The following VASH2 variants were observed in gnomAD, a reference collection of about 807,000 sequenced individuals.
VASH2 encodes tubulinyl-Tyr carboxypeptidase 2.
In VASH2, 28 loss-of-function variants were observed where a neutral mutation model predicts 37.2. That is an observed-to-expected ratio of 0.75 (90% CI 0.56 to 1.03). VASH2 has a LOEUF of 1.03. Ranked by LOEUF, VASH2 falls within the 50% of genes least tolerant of loss-of-function variation. VASH2 has a pLI of 0.00. For missense variants in VASH2, 419 were observed against 459.1 expected, an observed-to-expected ratio of 0.91 and a Z score of 0.80; for synonymous variants, 188 against 174.7, an observed-to-expected ratio of 1.08 and a Z score of -0.60.
At chr1:212,983,973 T>C (rs1009453920) in intron 7 of VASH2, among the ~76,000 whole-genome samples, 7 of 152,198 alleles carry the variant, frequency 4.6e-5, no homozygotes, top group African/African-American at 7.2e-5. Context: ...GTACCTCCAT[T>C]ATCTCCTCTA....
intron 7 of VASH2, among the ~76,000 whole-genome samples, chr1:212,975,132 CT>C (rs1667130712): frequency 1.3e-5 from 2 of 151,698 alleles, no homozygotes; most frequent in Admixed American, 1.3e-4. Flanking sequence ...GTAGTAAGTT[CT>C]GTAGCTGGTC....
At chr1:212,981,800 T>C (rs966356215) in intron 7 of VASH2, among the ~76,000 whole-genome samples, 2 of 152,166 alleles carry the variant, frequency 1.3e-5, no homozygotes, top group Admixed American at 6.5e-5. Flanking sequence ...CCTCTCCTCG[T>C]CCTGTTTCTT....
At position 212,973,989 on chromosome 1, in the gene VASH2, A is replaced by C. The variant is rs755180737; in HGVS notation, c.914A>C (p.Gln305Pro). The change falls in exon 7 of 8, where the codon CAA (glutamine) becomes CCA (proline). Residue 305 changes from glutamine (Q) to proline (P), a missense_variant. Physicochemically the swap from Gln to Pro is moderately conservative, Grantham distance 76. This residue lies in a region of VASH2 where 177 missense variants were observed against 166.2 expected (regional missense o/e 1.06). Coordinates refer to ENST00000517399, the MANE Select transcript of VASH2 (RefSeq NM_001301056.2). The stretch of plus-strand genomic sequence containing the variant: ...CCTGCAAGTGCCCACTCTCCGACCC[A>C]AGTGAGAAGCCGGGGAAAATCCCTG... ...LKPASAHSPT[Q>P]VRSRGKSLSP... 1.7e-5 allele frequency: 28 copies of C among 1,613,818 alleles called. No homozygotes were observed. The Admixed American group carries it at 4.5e-4, about 26-fold the overall frequency.
At chr1:212,965,965 C>A in intron 4 of VASH2, 187 bp downstream of exon 4, 1 of 621,518 alleles carries the variant, frequency 1.6e-6, no homozygotes, top group Non-Finnish European at 2.8e-6. Context: ...GACAGTGGAG[C>A]TCAGTGGTGA....
At chr1:212,976,731 A>G (rs1220633558) in intron 7 of VASH2, among the ~76,000 whole-genome samples, 2 of 150,006 alleles carry the variant, frequency 1.3e-5, no homozygotes, top group Non-Finnish European at 2.9e-5. Flanking sequence ...CCGTGAGTGC[A>G]AAGCTACCTT....
chr1:212,967,260 C>T (rs892716240), intron 5 of VASH2: 2 of 1,291,206 alleles, frequency 1.5e-6, no homozygotes, highest in African/African-American at 3.0e-5. Context: ...ACCTCCCTTA[C>T]ACAATAGTCT....
chr1:212,967,326 C>T, intron 5 of VASH2: 2 of 1,235,844 alleles, frequency 1.6e-6, no homozygotes, highest in Non-Finnish European at 2.1e-6. Flanking sequence ...CACCCACAAC[C>T]CTTTGAAATT....
In VASH2 at chr1:212,953,021, G is replaced by A. The variant is rs1156754751; in HGVS notation, c.276+1203G>A. On this transcript the variant is annotated intron_variant, in intron 2 of 7. Transcript: ENST00000517399. Reference sequence around the variant, plus strand: ...TTACCCTTGCTGAGTTCTTGAATATGAGAACAACCTTTGTTCCTGGTTTGC... The same window carrying A: ...TTACCCTTGCTGAGTTCTTGAATATAAGAACAACCTTTGTTCCTGGTTTGC... Among the ~76,000 whole-genome samples the A allele has an allele frequency of 2.0e-4, 31 of 152,176 alleles. 1 individual carries two copies. The highest frequency in any genetic ancestry group is 2.0e-3 in the Admixed American group (31 of 15,278).
At chr1:212,968,903 A>T (rs1247387410) in intron 5 of VASH2, 1 of 985,308 alleles carries the variant, frequency 1.0e-6, no homozygotes, top group African/African-American at 1.7e-5. Context: ...GATTTAGGTC[A>T]TTGAAATGAC....
chr1:212,987,570 G>A (rs1469037767), intron 7 of VASH2, among the ~76,000 whole-genome samples: 5 of 152,058 alleles, frequency 3.3e-5, no homozygotes, highest in Non-Finnish European at 5.9e-5. Flanking sequence ...GCGAAACTCC[G>A]TCTCAAAAAC....
intron 7 of VASH2, among the ~76,000 whole-genome samples, chr1:212,975,948 CTTG>C (rs1217797339): frequency 6.6e-6 from 1 of 152,176 alleles, no homozygotes; most frequent in East Asian, 1.9e-4. Context: ...ATCCGTTTTA[CTTG>C]GATCCACAGG....
At chr1:212,966,828 A>G (rs1666864287) in intron 5 of VASH2, 1 of 344,118 alleles carries the variant, frequency 2.9e-6, no homozygotes, top group Non-Finnish European at 5.8e-6. Context: ...CCCAGGCTCA[A>G]GTGACCTTCT....
At chr1:212,979,137 G>A (rs530160737) in intron 7 of VASH2, among the ~76,000 whole-genome samples, 8 of 152,176 alleles carry the variant, frequency 5.3e-5, no homozygotes, top group Admixed American at 1.3e-4. Flanking sequence ...TCCAGCTCCC[G>A]CCATTCTGCC....
intron 3 of VASH2, 30 bp from the exon 4 acceptor site, chr1:212,965,692 T>C (rs1369153808): frequency 6.5e-7 from 1 of 1,538,978 alleles, no homozygotes; most frequent in African/African-American, 1.4e-5. Context: ...TGGAGTTTTC[T>C]GTCACTTTCC....
chr1:212,988,646 T>C lies in VASH2; in HGVS notation c.*62T>C, dbSNP rs377270826. ...GCTTCTCTCTGCACTTTACCCAGCA[T>C]CTTCAGGAGGAACTGCAACTATTTA... On this transcript the variant is annotated 3_prime_UTR_variant, in exon 8 of 8. Transcript: ENST00000517399. The C allele has an allele frequency of 3.0e-5, 46 of 1,526,068 alleles. No individual in the cohort carries two copies. The African/African-American group carries it at 5.9e-4, about 19-fold the overall frequency. The allele number at this position is 1,526,068 out of a possible 1,614,324, so 94.5% of individuals were successfully genotyped here.
chr1:212,974,798 A>G (rs1287362179), intron 7 of VASH2: 1 of 152,246 alleles, frequency 6.6e-6, no homozygotes, highest in African/African-American at 2.4e-5. Context: ...GCCATGCTGG[A>G]ACCATGTGGC....
At chr1:212,966,204 A>T in intron 4 of VASH2, 67 bp from the exon 5 acceptor site, 2 of 1,396,506 alleles carry the variant, frequency 1.4e-6, no homozygotes, top group South Asian at 2.5e-5. Flanking sequence ...ATGCTGATGG[A>T]TTGACAGACT....
At position 212,971,425 on chromosome 1, in the gene VASH2, G is replaced by A. The variant is rs1667007742; in HGVS notation, c.498-1155G>A. ...TCTCCCACCAGACCTCCGGAGAAGGGCTGTGTTCTTATCTTTGGCTCCACA... is the reference window on the plus strand; with the variant it reads ...TCTCCCACCAGACCTCCGGAGAAGGACTGTGTTCTTATCTTTGGCTCCACA... On this transcript the variant is annotated intron_variant, in intron 5 of 7. Transcript: ENST00000517399. The surrounding 1 kb of genome is among the most constrained non-coding windows in gnomAD (Gnocchi z 4.0). 6.6e-6 allele frequency among the ~76,000 whole-genome samples: 1 copy of A among 152,172 alleles called. No individual in the cohort carries two copies. The highest frequency in any genetic ancestry group is 1.5e-5 in the Non-Finnish European group (1 of 68,022).
At chr1:212,980,328 T>G (rs1175538317) in intron 7 of VASH2, among the ~76,000 whole-genome samples, 1 of 152,230 alleles carries the variant, frequency 6.6e-6, no homozygotes, top group African/African-American at 2.4e-5. Flanking sequence ...GAGGCCAGTG[T>G]TCCTGAGGAC....
Sources: allele counts gnomAD v4.1 joint callset (sites outside exome capture counted in the v4.1 genomes callset), GRCh38; gene constraint gnomAD v4.1.1; regional missense constraint gnomAD v4.1.1; non-coding constraint Gnocchi (gnomAD v3.1); transcripts MANE v1.5; gene names NCBI Gene and HGNC (gene_info 2026-07-23, HGNC 2026-07-21).